The following CDH13 variants were observed in gnomAD, a reference collection of about 807,000 sequenced individuals.
CDH13 encodes the protein cadherin 13, also known as cadherin-13.
A neutral mutation model predicts 63.8 loss-of-function variants in CDH13; 24 were observed. That is an observed-to-expected ratio of 0.38 (90% CI 0.27 to 0.53). The LOEUF (loss-of-function observed/expected upper bound fraction) is 0.53, where lower values mean the gene tolerates loss of function less well. Ranked by LOEUF, CDH13 falls within the 20% of genes least tolerant of loss-of-function variation. The pLI, the probability that CDH13 is intolerant of heterozygous loss-of-function variation, is 0.85. For missense variants in CDH13, 1,049 were observed against 903.1 expected (o/e 1.16, Z -2.07); for synonymous variants, 503 against 355.3 (o/e 1.42, Z -4.67).
intron 4 of CDH13, among the ~76,000 whole-genome samples, chr16:83,204,118 G>A (rs530183713): frequency 1.3e-5 from 2 of 152,322 alleles, no homozygotes; most frequent in African/African-American, 4.8e-5. Flanking sequence ...GTCACACGGA[G>A]TTCCGATTGG....
chr16:83,392,383 G>C (rs184619530), intron 6 of CDH13, among the ~76,000 whole-genome samples: 3 of 152,186 alleles, frequency 2.0e-5, no homozygotes, highest in Non-Finnish European at 4.4e-5. Flanking sequence ...ATTTATGATT[G>C]TTCCTAAAAT....
intron 1 of CDH13, among the ~76,000 whole-genome samples, chr16:82,857,979 T>C (rs1358253081): frequency 6.6e-6 from 1 of 152,200 alleles, no homozygotes. Context: ...TCTTTCCTCC[T>C]CTTCATAGAT....
Position 83,208,419 on chromosome 16 carries a change from C to A in CDH13, c.484-8926C>A, listed in dbSNP as rs368549720. Among the ~76,000 whole-genome samples, 7 of 151,826 alleles carry A rather than the reference C, an allele frequency of 4.6e-5. No homozygotes were observed. In the East Asian group the frequency reaches 1.2e-3, roughly 25 times the overall value. On this transcript the variant is annotated intron_variant, in intron 4 of 13. Transcript: ENST00000567109. ...TTACAGATTACCTTACAGAAGCAAT[C>A]TAATGATAAAACACAAATGCCTCTG...
chr16:82,947,280 T>C (rs1249516098), intron 2 of CDH13, among the ~76,000 whole-genome samples: 2 of 152,184 alleles, frequency 1.3e-5, no homozygotes, highest in Non-Finnish European at 2.9e-5. Flanking sequence ...ATTTTCTGTG[T>C]TTATTCTGTC....
intron 6 of CDH13, among the ~76,000 whole-genome samples, chr16:83,442,993 G>T (rs1352058152): frequency 6.6e-6 from 1 of 152,162 alleles, no homozygotes; most frequent in Non-Finnish European, 1.5e-5. Flanking sequence ...TAGTGAGATT[G>T]AACTCTCAAA....
At chr16:83,544,443 C>T (rs1026773083) in intron 7 of CDH13, among the ~76,000 whole-genome samples, 1 of 152,100 alleles carries the variant, frequency 6.6e-6, no homozygotes, top group Admixed American at 6.5e-5. Context: ...GTATTTAATA[C>T]ACATAACCTG....
chr16:82,639,612 C>A, intron 1 of CDH13: 2 of 618,544 alleles, frequency 3.2e-6, no homozygotes. Context: ...AATATACAGT[C>A]TGTAGCTATA....
intron 5 of CDH13, among the ~76,000 whole-genome samples, chr16:83,301,670 C>A (rs770239196): frequency 6.6e-6 from 1 of 152,118 alleles, no homozygotes; most frequent in Non-Finnish European, 1.5e-5. Flanking sequence ...TTGAAATCTC[C>A]AGCTTGAACG....
intron 2 of CDH13, among the ~76,000 whole-genome samples, chr16:82,875,947 C>G (rs575518623): frequency 7.4e-4 from 113 of 152,282 alleles, no homozygotes; most frequent in African/African-American, 2.5e-3. Flanking sequence ...GCCTCACAAT[C>G]ATGGTGGAAG....
chr16:83,670,910 G>T lies in CDH13; in HGVS notation c.1222G>T (p.Gly408Trp). ...AAYTIINGNP[G>W]QSFEIHTNPQ... ...CTACACCATCATCAACGGAAACCCCGGGCAGAGCTTTGAAATCCACACCAA... is the reference window on the plus strand; with the variant it reads ...CTACACCATCATCAACGGAAACCCCTGGCAGAGCTTTGAAATCCACACCAA... The change falls in exon 9 of 14, where the codon GGG becomes TGG. Residue 408 changes from glycine to tryptophan, a missense_variant. Coordinates refer to ENST00000567109, the MANE Select transcript of CDH13 (RefSeq NM_001257.5). 1 of 1,612,802 alleles carries T rather than the reference G, an allele frequency of 6.2e-7. No individual in the cohort carries two copies. The highest frequency in any genetic ancestry group is 8.5e-7 in the Non-Finnish European group (1 of 1,179,102).
At chr16:82,728,469 TATAA>T (rs2033220649) in intron 1 of CDH13, among the ~76,000 whole-genome samples, 1 of 152,062 alleles carries the variant, frequency 6.6e-6, no homozygotes, top group African/African-American at 2.4e-5. Flanking sequence ...TCCCAGTGCA[TATAA>T]ATAATAAACT....
chr16:83,435,100 G>C (rs764917368), intron 6 of CDH13, among the ~76,000 whole-genome samples: 1 of 151,592 alleles, frequency 6.6e-6, no homozygotes, highest in African/African-American at 2.4e-5. Context: ...AGGCTGAAGT[G>C]CAACGGCACA....
At chr16:83,052,700 C>G (rs1035857642) in intron 3 of CDH13, among the ~76,000 whole-genome samples, 1 of 142,860 alleles carries the variant, frequency 7.0e-6, no homozygotes, top group Non-Finnish European at 1.5e-5. Flanking sequence ...TTGCTTGAAC[C>G]CAGAAGACAG....
chr16:83,634,389 CT>C (rs953956265), intron 8 of CDH13, among the ~76,000 whole-genome samples: 1 of 149,858 alleles, frequency 6.7e-6, no homozygotes, highest in African/African-American at 2.5e-5. Context: ...ATATGTAACT[CT>C]TTGATATTAA....
intron 3 of CDH13, among the ~76,000 whole-genome samples, chr16:83,072,162 C>T (rs1003729041): frequency 3.3e-5 from 5 of 152,050 alleles, no homozygotes; most frequent in Non-Finnish European, 7.4e-5. Flanking sequence ...ATGTATTTTA[C>T]CCTTAAAGCT....
intron 1 of CDH13, among the ~76,000 whole-genome samples, chr16:82,748,244 A>G (rs142329738): frequency 2.6e-5 from 4 of 152,314 alleles, no homozygotes; most frequent in Admixed American, 6.5e-5. Context: ...CAAACCCCAC[A>G]GGAAATTAGT....
intron 1 of CDH13, among the ~76,000 whole-genome samples, chr16:82,654,957 C>A (rs568321023): frequency 6.6e-6 from 1 of 152,160 alleles, no homozygotes; most frequent in Admixed American, 6.5e-5. Context: ...ACAGCCATAG[C>A]AAATAAACTG....
At chr16:83,309,272 T>C (rs770238784) in intron 5 of CDH13, among the ~76,000 whole-genome samples, 10 of 152,198 alleles carry the variant, frequency 6.6e-5, no homozygotes, top group Non-Finnish European at 1.2e-4. Context: ...TACTGGGATC[T>C]TTGGGAAAAG....
chr16:83,265,612 T>G (rs1907514154), intron 5 of CDH13, among the ~76,000 whole-genome samples: 1 of 152,102 alleles, frequency 6.6e-6, no homozygotes, highest in Admixed American at 6.5e-5. Context: ...ATGTTCATTT[T>G]TATAGTAATC....
Sources: allele counts gnomAD v4.1 joint callset (sites outside exome capture counted in the v4.1 genomes callset), GRCh38; gene constraint gnomAD v4.1.1; transcripts MANE v1.5; gene names NCBI Gene and HGNC (gene_info 2026-07-23, HGNC 2026-07-21).